Variants in TEX2 observed in about 807,000 individuals in gnomAD.
TEX2 encodes the protein testis-expressed protein 2.
A neutral mutation model predicts 106.9 loss-of-function variants in TEX2; 53 were observed. The observed-to-expected ratio is 0.50, with a 90% CI of 0.40 to 0.62. TEX2 has a LOEUF of 0.62. Ranked by LOEUF, TEX2 falls within the 20% of genes least tolerant of loss-of-function variation. The pLI, the probability that TEX2 is intolerant of heterozygous loss-of-function variation, is 0.00. For missense variants in TEX2, 1,207 were observed against 1,379.0 expected, an observed-to-expected ratio of 0.88 and a Z score of 1.98; for synonymous variants, 523 against 534.8, an observed-to-expected ratio of 0.98 and a Z score of 0.30.
At chr17:64,184,501 C>T (rs1160460663) in intron 5 of TEX2, among the ~76,000 whole-genome samples, 1 of 152,172 alleles carries the variant, frequency 6.6e-6, no homozygotes, top group Non-Finnish European at 1.5e-5. Context: ...GTACCAGAAC[C>T]TTATCAGATA....
At chr17:64,257,500 C>T (rs140837294) in intron 1 of TEX2, among the ~76,000 whole-genome samples, 3 of 152,322 alleles carry the variant, frequency 2.0e-5, no homozygotes, top group East Asian at 3.9e-4. Context: ...ATAAACAATT[C>T]GCAAGTTTTA....
intron 6 of TEX2, 78 bp downstream of exon 6, chr17:64,177,247 C>A (rs1217620319): frequency 5.8e-6 from 9 of 1,556,332 alleles, no homozygotes; most frequent in Non-Finnish European, 7.0e-6. Flanking sequence ...TTATTTTTCA[C>A]TTAGGACATA....
chr17:64,174,411 G>A (rs2031539630), intron 6 of TEX2, among the ~76,000 whole-genome samples: 1 of 152,036 alleles, frequency 6.6e-6, no homozygotes, highest in African/African-American at 2.4e-5. Context: ...AGATCAGAGG[G>A]CCTGGTTTCC....
At chr17:64,157,886 G>A (rs984092445) in intron 8 of TEX2, among the ~76,000 whole-genome samples, 15 of 152,214 alleles carry the variant, frequency 9.9e-5, no homozygotes, top group African/African-American at 3.4e-4. Flanking sequence ...GACTGCAGTG[G>A]TGGAGCAGGA....
rs1254560913 is a variant in TEX2, at chr17:64,193,612, G to C, written c.2123C>G (p.Ser708Cys). The C allele has an allele frequency of 6.9e-7, 1 of 1,452,392 alleles. No homozygotes were observed. Among genetic ancestry groups the C allele is most frequent in the Non-Finnish European group, 9.1e-7 (1 of 1,093,528 alleles). The allele number at this position is 1,452,392 out of a possible 1,614,324, so 90.0% of individuals were successfully genotyped here. Residue 708 changes from serine (S) to cysteine (C), a missense_variant, in exon 4 of 12, where the codon TCT (serine) becomes TGT (cysteine). Ser to Cys is a moderately radical substitution (Grantham distance 112, BLOSUM62 -1). Coordinates refer to ENST00000584379, the MANE Select transcript of TEX2 (RefSeq NM_001288732.2). ...CTTCTTGATTTCCGACTTTAGCTTA[G>C]ATGCCAGAATAAATCTCCTAAACCA... is the stretch of plus-strand genomic sequence containing the variant. ...EEWFRRFILA[S>C]KLKSEIKKSS... is the part of the protein sequence containing the mutation.
chr17:64,188,294 G>A lies in TEX2; in HGVS notation c.2298C>T (p.Gly766=), dbSNP rs1176151012. 2.5e-6 allele frequency: 4 copies of A among 1,614,132 alleles called. 1 individual carries two copies. In the Middle Eastern group the frequency reaches 5.0e-4, roughly 200 times the overall value. The change falls in exon 5 of 12, where the codon GGC becomes GGT. Residue 766 remains glycine (G), a synonymous_variant. Transcript: ENST00000584379. The part of the protein sequence containing the change: ...MSQPKQKELA[G]SVRQKMLLDY... ...CGAGAAGCATCTTCTGCCGCACGCT[G>A]CCTGCCAGCTCCTTCTGCTTTGGCT...
At chr17:64,250,162 C>T (rs1555636770) in intron 1 of TEX2, among the ~76,000 whole-genome samples, 1 of 152,182 alleles carries the variant, frequency 6.6e-6, no homozygotes, top group Admixed American at 6.5e-5. Flanking sequence ...GGGGTGGCCA[C>T]ATCAGATCAG....
chr17:64,176,705 A>G (rs1226885915), intron 6 of TEX2, among the ~76,000 whole-genome samples: 2 of 152,224 alleles, frequency 1.3e-5, no homozygotes, highest in African/African-American at 4.8e-5. Flanking sequence ...TTTCTTCAGG[A>G]GAGAGCCCAA....
At chr17:64,228,870 G>GT (rs2033583246) in intron 1 of TEX2, among the ~76,000 whole-genome samples, 1 of 150,914 alleles carries the variant, frequency 6.6e-6, no homozygotes, top group Non-Finnish European at 1.5e-5. Flanking sequence ...TTTTGCATTT[G>GT]TTTTTTACTT....
At chr17:64,197,886 T>C (rs1555629575) in intron 2 of TEX2, among the ~76,000 whole-genome samples, 1 of 152,176 alleles carries the variant, frequency 6.6e-6, no homozygotes, top group Non-Finnish European at 1.5e-5. Flanking sequence ...TTAATACTAT[T>C]AATTTCCCTC....
intron 2 of TEX2, among the ~76,000 whole-genome samples, chr17:64,200,537 G>A (rs1167463841): frequency 6.6e-6 from 1 of 152,228 alleles, no homozygotes. Flanking sequence ...ACAGTTCTGA[G>A]ATGAGTATGC....
At chr17:64,177,511 C>G in intron 5 of TEX2, 40 bp from the exon 6 acceptor site, 1 of 1,605,100 alleles carries the variant, frequency 6.2e-7, no homozygotes. Context: ...TAGAAAGCAA[C>G]TGGAGAATAA....
intron 8 of TEX2, among the ~76,000 whole-genome samples, chr17:64,158,306 C>T (rs921911478): frequency 1.3e-5 from 2 of 152,178 alleles, no homozygotes; most frequent in Admixed American, 1.3e-4. Context: ...CGCAAAAGCA[C>T]AATCATTTGC....
chr17:64,216,534 T>G (rs1275259723), intron 1 of TEX2, among the ~76,000 whole-genome samples: 1 of 151,936 alleles, frequency 6.6e-6, no homozygotes, highest in African/African-American at 2.4e-5. Flanking sequence ...TTGAACAGAG[T>G]GAATCGGTCC....
chr17:64,187,449 G>A (rs8079651), intron 5 of TEX2, among the ~76,000 whole-genome samples: 6 of 151,742 alleles, frequency 4.0e-5, no homozygotes, highest in East Asian at 1.9e-4. Flanking sequence ...CACCCCAGCC[G>A]AGCCTCTCCT....
intron 2 of TEX2, among the ~76,000 whole-genome samples, chr17:64,206,816 A>C (rs577819125): frequency 1.3e-5 from 2 of 152,218 alleles, no homozygotes; most frequent in East Asian, 3.9e-4. Flanking sequence ...CACCCACCTC[A>C]GCCTCCTAAA....
chr17:64,172,080 C>T (rs879903153), intron 6 of TEX2, among the ~76,000 whole-genome samples: 7 of 151,610 alleles, frequency 4.6e-5, no homozygotes, highest in African/African-American at 7.3e-5. Flanking sequence ...GCTGGCCAGG[C>T]GCAGTGGCTC....
rs978851255 is a variant in TEX2, at chr17:64,171,123, A to G, written c.2648T>C (p.Phe883Ser). Residue 883 changes from phenylalanine to serine, a missense_variant, in exon 7 of 12, where the codon TTC (phenylalanine) becomes TCC (serine). Phe to Ser is a radical substitution (Grantham distance 155, BLOSUM62 -2). Around this residue, in one of 3 missense-constraint regions of TEX2, gnomAD observed 1,067 missense variants for 1,193.6 expected, o/e 0.89. Coordinates refer to ENST00000584379, the MANE Select transcript of TEX2 (RefSeq NM_001288732.2). ...GVAVPKILQA[F>S]KPYVDHQGLW... ...ACCTTGGTGATCAACGTAAGGCTTG[A>G]AGGCCTGGAGGATTTTTGGCACAGC... The G allele has an allele frequency of 6.2e-7, 1 of 1,614,080 alleles. No homozygotes were observed. Among genetic ancestry groups the G allele is most frequent in the Non-Finnish European group, 8.5e-7 (1 of 1,179,942 alleles).
At chr17:64,224,336 C>G (rs529008914) in intron 1 of TEX2, among the ~76,000 whole-genome samples, 1 of 152,284 alleles carries the variant, frequency 6.6e-6, no homozygotes, top group Non-Finnish European at 1.5e-5. Flanking sequence ...TCAAAACCAA[C>G]CACGGCAGGA....
Sources: gnomAD v4.1 joint callset for allele counts (sites outside exome capture counted in the v4.1 genomes callset) on GRCh38, gnomAD v4.1.1 for gene constraint, gnomAD v4.1.1 regional missense constraint, MANE v1.5 for transcripts, NCBI Gene and HGNC (gene_info 2026-07-23, HGNC 2026-07-21) for gene names.